SEMA3C: variants seen among roughly 807,000 people sequenced by gnomAD.
SEMA3C encodes semaphorin 3C, also known as semaphorin-3C.
SEMA3C carries 47 observed loss-of-function variants against 89.4 expected under a neutral mutation model. The ratio of observed to expected loss-of-function variants is 0.53; its 90% CI spans 0.42 to 0.67. SEMA3C has a LOEUF of 0.67. SEMA3C is among the 30% of genes least tolerant of loss of function. SEMA3C has a pLI of 0.00. For missense variants in SEMA3C, 839 were observed against 929.1 expected (o/e 0.90, Z 1.26); for synonymous variants, 310 against 320.2 (o/e 0.97, Z 0.34).
At chr7:80,794,335 T>C (rs1789011546) in intron 11 of SEMA3C, among the ~76,000 whole-genome samples, 1 of 152,124 alleles carries the variant, frequency 6.6e-6, no homozygotes, top group Admixed American at 6.5e-5. Context: ...TTTAATAATA[T>C]TTATTTTAAA....
chr7:80,831,026 C>A (rs1048212694), intron 2 of SEMA3C, among the ~76,000 whole-genome samples: 1 of 152,170 alleles, frequency 6.6e-6, no homozygotes, highest in Admixed American at 6.5e-5. Flanking sequence ...TGTTTTATAA[C>A]GCTTACTTTT....
chr7:80,896,769 A>G (rs1791747783), intron 2 of SEMA3C, among the ~76,000 whole-genome samples: 2 of 151,976 alleles, frequency 1.3e-5, no homozygotes, highest in South Asian at 4.1e-4. Flanking sequence ...CCTACATCCT[A>G]ACTTCTCTTC....
chr7:80,818,394 C>T lies in SEMA3C; in HGVS notation c.352G>A (p.Val118Ile). 1 of 1,613,238 alleles carries T rather than the reference C, an allele frequency of 6.2e-7. No individual in the cohort carries two copies. Among genetic ancestry groups the T allele is most frequent in the South Asian group, 1.1e-5 (1 of 90,996 alleles). Residue 118 changes from valine to isoleucine, a missense_variant, in exon 5 of 18, where the codon GTA becomes ATA. Coordinates refer to ENST00000265361, the MANE Select transcript of SEMA3C (RefSeq NM_006379.5). ...TGTGTGCGATTGAAAGTCTGAATTA[C>T]ACGGACAAAGTTCCCACAGCCGTGC... ...PTHGCGNFVR[V>I]IQTFNRTHLY...
rs1789237255 is a variant in SEMA3C, at chr7:80,802,682, G to A, written c.899C>T (p.Thr300Ile). ...CSVTDEDGPE[T>I]HFDELEDVFL... ...GTATGTACCTAATTCATCAAAGTGT[G>A]TTTCTGGGCCGTCTTCATCTGTTAC... Residue 300 changes from threonine (T) to isoleucine (I), a missense_variant, in exon 9 of 18, where the codon ACA becomes ATA. Coordinates refer to ENST00000265361, the MANE Select transcript of SEMA3C (RefSeq NM_006379.5). The A allele has an allele frequency of 6.2e-7, 1 of 1,612,770 alleles. No homozygotes were observed. The highest frequency in any genetic ancestry group is 8.5e-7 in the Non-Finnish European group (1 of 1,178,980).
At chr7:80,824,448 C>T (rs528013759) in intron 4 of SEMA3C, among the ~76,000 whole-genome samples, 44 of 152,104 alleles carry the variant, frequency 2.9e-4, no homozygotes, top group Admixed American at 5.9e-4. Flanking sequence ...CTGAAAACAC[C>T]GGAAGATAAT....
At chr7:80,844,752 C>G (rs1429330651) in intron 2 of SEMA3C, among the ~76,000 whole-genome samples, 4 of 152,114 alleles carry the variant, frequency 2.6e-5, no homozygotes, top group Non-Finnish European at 5.9e-5. Context: ...GTTTCTGGCT[C>G]TAGAACTACT....
chr7:80,788,249 A>G (rs143525485), intron 12 of SEMA3C, among the ~76,000 whole-genome samples: 1,613 of 152,310 alleles, frequency 0.011, 20 homozygotes, highest in Non-Finnish European at 0.016. Flanking sequence ...TAATTTCATA[A>G]AGTATTTCTA....
At chr7:80,779,596 C>A (rs976544918) in intron 12 of SEMA3C, among the ~76,000 whole-genome samples, 3 of 152,056 alleles carry the variant, frequency 2.0e-5, no homozygotes, top group Non-Finnish European at 4.4e-5. Context: ...ATTTTCTTTT[C>A]TCTGTCTTTA....
intron 2 of SEMA3C, among the ~76,000 whole-genome samples, chr7:80,869,363 G>A (rs527989762): frequency 3.3e-5 from 5 of 152,298 alleles, no homozygotes; most frequent in Non-Finnish European, 7.3e-5. Context: ...CTATTTGCTC[G>A]TAGATTGGTT....
chr7:80,831,425 G>A (rs1489341701), intron 2 of SEMA3C, among the ~76,000 whole-genome samples: 1 of 152,076 alleles, frequency 6.6e-6, no homozygotes, highest in Non-Finnish European at 1.5e-5. Context: ...TGGTTACATG[G>A]GTTACCTATT....
chr7:80,770,398 T>C (rs1788402368), intron 12 of SEMA3C, among the ~76,000 whole-genome samples: 1 of 152,256 alleles, frequency 6.6e-6, no homozygotes, highest in African/African-American at 2.4e-5. Context: ...AAATCCTTTT[T>C]AGTGTTCTGC....
intron 10 of SEMA3C, 118 bp from the exon 11 acceptor site, chr7:80,798,354 T>C (rs1789117265): frequency 1.1e-6 from 1 of 930,018 alleles, no homozygotes; most frequent in African/African-American, 1.7e-5. Flanking sequence ...AAAAGTTAAA[T>C]GTTATCGAAC....
At chr7:80,798,305 G>A in intron 10 of SEMA3C, 69 bp from the exon 11 acceptor site, 3 of 1,210,882 alleles carry the variant, frequency 2.5e-6, no homozygotes, top group South Asian at 4.6e-5. Context: ...AAAATATATG[G>A]TAAAATTTAT....
At chr7:80,843,836 C>T (rs1044520174) in intron 2 of SEMA3C, among the ~76,000 whole-genome samples, 4 of 152,066 alleles carry the variant, frequency 2.6e-5, no homozygotes, top group Admixed American at 2.0e-4. Flanking sequence ...TATTACAACA[C>T]AAAAGTAAAT....
In SEMA3C at chr7:80,742,690, C is replaced by T. The variant is rs754908909; in HGVS notation, c.*2204G>A. 6.6e-6 allele frequency: 1 copy of T among 151,842 alleles called. No homozygotes were observed. The highest frequency in any genetic ancestry group is 2.4e-5 in the African/African-American group (1 of 41,392). The allele number at this position is 151,842 out of a possible 1,614,324, so 9.4% of individuals were successfully genotyped here. On this transcript the variant is annotated 3_prime_UTR_variant, in exon 18 of 18. Transcript: ENST00000265361. ...CATCATGCTAAAATCTATTCACAAACTTACACTTTGGAAAAAAGTGTATTT... is the reference window on the plus strand; with the variant it reads ...CATCATGCTAAAATCTATTCACAAATTTACACTTTGGAAAAAAGTGTATTT...
chr7:80,903,037 G>T (rs1000874768), intron 2 of SEMA3C, among the ~76,000 whole-genome samples: 4 of 152,156 alleles, frequency 2.6e-5, no homozygotes. Flanking sequence ...GGTTCTTTCT[G>T]CTCTACCTCT....
intron 15 of SEMA3C, among the ~76,000 whole-genome samples, chr7:80,754,959 T>TTTTTTTTTGTTTTTTTTTGTTG (rs1562859792): frequency 7.9e-5 from 10 of 126,920 alleles, no homozygotes; most frequent in African/African-American, 2.8e-4. Context: ...TTTTTTTTGT[T>TTTTTTTTTGTTTTTTTTTGTTG]TTTTTTTTTT....
intron 2 of SEMA3C, among the ~76,000 whole-genome samples, chr7:80,853,763 TAA>T (rs780160633): frequency 3.3e-5 from 5 of 152,114 alleles, no homozygotes; most frequent in Non-Finnish European, 5.9e-5. Flanking sequence ...TAAAAATAAC[TAA>T]AAGAGACTAA....
rs1351718538 is a variant in SEMA3C at position 80,744,634 on chromosome 7, A to G, written c.*260T>C. 4.2e-6 allele frequency: 2 copies of G among 471,954 alleles called. No homozygotes were observed. The highest frequency in any genetic ancestry group is 7.5e-6 in the Non-Finnish European group (2 of 266,220). 29.2% of individuals were successfully genotyped at this position (471,954 alleles called of 1,614,324 possible). ...TGCAGCCACCATATCGATTTTGAAG[A>G]AAAGGTGAATAAAGATATAAATAAA... On this transcript the variant is annotated 3_prime_UTR_variant, in exon 18 of 18. Transcript: ENST00000265361.
Sources: allele counts gnomAD v4.1 joint callset (sites outside exome capture counted in the v4.1 genomes callset), GRCh38; gene constraint gnomAD v4.1.1; transcripts MANE v1.5; gene names NCBI Gene and HGNC (gene_info 2026-07-23, HGNC 2026-07-21).